The following ITSN2 variants were observed in gnomAD, a reference collection of about 807,000 sequenced individuals.
The protein encoded by ITSN2 is intersectin 2.
Under a neutral mutation model 243.7 loss-of-function variants are expected in ITSN2, and 156 were observed. That is an observed-to-expected ratio of 0.64 (90% CI 0.56 to 0.73). The LOEUF (loss-of-function observed/expected upper bound fraction) is 0.73. Among genes scored for constraint, ITSN2 ranks in the 30% least tolerant of loss-of-function variants. The probability of loss-of-function intolerance (pLI) is 0.00; values close to 1 mark genes in which losing one functional copy is unlikely to be tolerated. For missense variants in ITSN2, 1,801 were observed against 1,996.1 expected, an observed-to-expected ratio of 0.90 and a Z score of 1.86; for synonymous variants, 703 against 699.9, an observed-to-expected ratio of 1.00 and a Z score of -0.07.
In ITSN2 at chr2:24,211,098, G is replaced by A; in HGVS notation, c.4090-151C>T. 1.5e-6 allele frequency: 1 copy of A among 682,586 alleles called. No homozygotes were observed. The highest frequency in any genetic ancestry group is 2.5e-6 in the Non-Finnish European group (1 of 404,524). 42.3% of individuals were successfully genotyped at this position (682,586 alleles called of 1,614,324 possible). A position where few individuals can be genotyped will look rare whatever the true frequency, so the allele number is the denominator to read the frequency against. On this transcript the variant is annotated intron_variant, in intron 33 of 39. Transcript: ENST00000355123. The surrounding 1 kb of genome is among the most constrained non-coding windows in gnomAD (Gnocchi z 4.1). ...GAACAAGACGACACTTTCCGCCCTTGAGAAACTCGTACTCCCACAAGTTCT... is the reference window on the plus strand; with the variant it reads ...GAACAAGACGACACTTTCCGCCCTTAAGAAACTCGTACTCCCACAAGTTCT...
chr2:24,282,877 A>C (rs1678973616), intron 17 of ITSN2, among the ~76,000 whole-genome samples: 1 of 152,108 alleles, frequency 6.6e-6, no homozygotes, highest in Non-Finnish European at 1.5e-5. Flanking sequence ...CTAATCCTTT[A>C]ATCTGTGCTC....
intron 25 of ITSN2, 56 bp from the exon 26 acceptor site, chr2:24,248,938 G>C (rs1334587125): frequency 7.9e-6 from 12 of 1,509,760 alleles, no homozygotes; most frequent in Non-Finnish European, 1.1e-5. Flanking sequence ...AAATGTAAAA[G>C]TATAAAGGTT....
At chr2:24,293,566 C>A in intron 15 of ITSN2, 122 bp downstream of exon 15, 2 of 445,334 alleles carry the variant, frequency 4.5e-6, no homozygotes, top group South Asian at 4.7e-5. Flanking sequence ...AAACTTTAAA[C>A]TTACAGGCAA....
chr2:24,245,920 C>T (rs1356212950), intron 29 of ITSN2, among the ~76,000 whole-genome samples: 13 of 152,154 alleles, frequency 8.5e-5, no homozygotes, highest in Non-Finnish European at 1.3e-4. Context: ...AAGTCTAATA[C>T]GAAAGTCTGG....
chr2:24,209,295 TTC>T, intron 35 of ITSN2, 74 bp from the exon 36 acceptor site: 2 of 1,569,978 alleles, frequency 1.3e-6, no homozygotes, highest in Non-Finnish European at 8.7e-7. Flanking sequence ...CCAGAGAGAG[TTC>T]TGTTTGTTCT....
intron 9 of ITSN2, among the ~76,000 whole-genome samples, chr2:24,302,965 T>C (rs1681972942): frequency 6.6e-6 from 1 of 152,180 alleles, no homozygotes; most frequent in Admixed American, 6.5e-5. Context: ...GTAGCTGTCA[T>C]AAAGCAACGC....
intron 2 of ITSN2, 43 bp from the exon 3 acceptor site, chr2:24,315,267 G>A (rs756223693): frequency 1.9e-6 from 2 of 1,042,914 alleles, no homozygotes; most frequent in South Asian, 1.4e-5. Flanking sequence ...ACATGAGAAT[G>A]CTTAAAATAC....
chr2:24,220,316 G>T (rs1670323764), intron 30 of ITSN2: 1 of 985,200 alleles, frequency 1.0e-6, no homozygotes, highest in South Asian at 4.7e-5. Flanking sequence ...GGAAACAAAG[G>T]TATAGTAGAA....
chr2:24,258,118 T>A lies in ITSN2; in HGVS notation c.2683-25A>T, dbSNP rs750928525. On this transcript the variant is annotated intron_variant, in intron 22 of 39. Coordinates refer to ENST00000355123, the MANE Select transcript of ITSN2 (RefSeq NM_006277.3). ...CCTATGAATACAAAACCACCAAAAA[T>A]TTTTAAAAGGCAATGGTAACTATGA... is the stretch of plus-strand genomic sequence containing the variant. 3 of 1,552,174 alleles carry A rather than the reference T, an allele frequency of 1.9e-6. No homozygotes were observed. In the African/African-American group the frequency reaches 4.1e-5, roughly 21 times the overall value.
At chr2:24,299,527 G>T (rs570519259) in intron 12 of ITSN2, among the ~76,000 whole-genome samples, 98 of 152,236 alleles carry the variant, frequency 6.4e-4, no homozygotes, top group African/African-American at 2.1e-3. Flanking sequence ...TCAATGCCCA[G>T]CTCTCATCTT....
At chr2:24,320,300 A>G (rs1237851191) in intron 2 of ITSN2, among the ~76,000 whole-genome samples, 2 of 151,278 alleles carry the variant, frequency 1.3e-5, no homozygotes, top group Non-Finnish European at 2.9e-5. Flanking sequence ...AGGGTGGATC[A>G]TGAGGTCAGG....
At chr2:24,277,805 C>T (rs1222913869) in intron 17 of ITSN2, among the ~76,000 whole-genome samples, 1 of 152,186 alleles carries the variant, frequency 6.6e-6, no homozygotes, top group African/African-American at 2.4e-5. Context: ...ATGTAAAATA[C>T]ACTAACAATA....
At position 24,312,940 on chromosome 2, in the gene ITSN2, G is replaced by C. The variant is rs188304909; in HGVS notation, c.188+520C>G. Among the ~76,000 whole-genome samples, 3 of 152,044 alleles carry C rather than the reference G, an allele frequency of 2.0e-5. No individual in the cohort carries two copies. In the East Asian group the frequency reaches 5.8e-4, roughly 29 times the overall value. On this transcript the variant is annotated intron_variant, in intron 4 of 39. Coordinates refer to ENST00000355123, the MANE Select transcript of ITSN2 (RefSeq NM_006277.3). ...ATTTTGAGATTCTGCCAAATTATAAGGAAATTTTTCTCAATGATAATGTAT... is the reference window on the plus strand; with the variant it reads ...ATTTTGAGATTCTGCCAAATTATAACGAAATTTTTCTCAATGATAATGTAT...
At chr2:24,335,131 G>A (rs1686228511) in intron 1 of ITSN2, 2 of 218,932 alleles carry the variant, frequency 9.1e-6, no homozygotes. Context: ...ATAAGAGAAA[G>A]GGCCAAGTGA....
At position 24,265,981 on chromosome 2, in the gene ITSN2, A is replaced by C. The variant is rs115872019; in HGVS notation, c.2356-4239T>G. Among the ~76,000 whole-genome samples the C allele has an allele frequency of 3.7e-3, 563 of 152,246 alleles. 6 individuals are homozygous for C. Among genetic ancestry groups the C allele is most frequent in the African/African-American group, 0.013 (528 of 41,558 alleles). ...TATCTTGTGTGCTTTGTCATCTACA[A>C]ATTTGGGGGGAAATACCTGTGCTGC... is the stretch of plus-strand genomic sequence containing the variant. On this transcript the variant is annotated intron_variant, in intron 20 of 39. Transcript: ENST00000355123.
At chr2:24,337,315 AAT>A (rs201712131) in intron 1 of ITSN2, among the ~76,000 whole-genome samples, 434 of 32,020 alleles carry the variant, frequency 0.014, 43 homozygotes, top group South Asian at 0.026. Context: ...GTATACACAA[AAT>A]ATATATATAT....
chr2:24,315,580 C>T (rs1483584804), intron 2 of ITSN2, among the ~76,000 whole-genome samples: 1 of 152,250 alleles, frequency 6.6e-6, no homozygotes, highest in African/African-American at 2.4e-5. Context: ...GAACTATATA[C>T]TGCCATAGTT....
At chr2:24,205,095 C>T (rs1668729237) in intron 38 of ITSN2, 119 bp downstream of exon 38, 1 of 756,660 alleles carries the variant, frequency 1.3e-6, no homozygotes. Flanking sequence ...TGCAGTGAGC[C>T]AAGATCGTGC....
At chr2:24,215,665 TAAAA>T (rs59939223) in intron 32 of ITSN2, among the ~76,000 whole-genome samples, 1 of 128,624 alleles carries the variant, frequency 7.8e-6, no homozygotes. Flanking sequence ...AGATTCTGTT[TAAAA>T]AAAAAAAAAA....
Sources: allele counts gnomAD v4.1 joint callset (sites outside exome capture counted in the v4.1 genomes callset), GRCh38; gene constraint gnomAD v4.1.1; non-coding constraint Gnocchi (gnomAD v3.1); transcripts MANE v1.5; gene names NCBI Gene and HGNC (gene_info 2026-07-23, HGNC 2026-07-21).